CYP4X1: variants seen among roughly 807,000 people sequenced by gnomAD.
CYP4X1 encodes cytochrome P450 4X1.
A neutral mutation model predicts 57.9 loss-of-function variants in CYP4X1; 44 were observed. That is an observed-to-expected ratio of 0.76 (90% CI 0.60 to 0.98). The LOEUF (loss-of-function observed/expected upper bound fraction) is 0.98, where lower values mean the gene tolerates loss of function less well. Among genes scored for constraint, CYP4X1 ranks in the 50% least tolerant of loss-of-function variants. The pLI, the probability that CYP4X1 is intolerant of heterozygous loss-of-function variation, is 0.00. For synonymous variants in CYP4X1, 227 were observed against 228.6 expected, an observed-to-expected ratio of 0.99 and a Z score of 0.06; for missense variants, 532 against 623.9, an observed-to-expected ratio of 0.85 and a Z score of 1.57.
At position 47,030,140 on chromosome 1, in the gene CYP4X1, A is replaced by AG. The variant is rs1227652754; in HGVS notation, c.319+14dup. On this transcript the variant is annotated intron_variant, in intron 2 of 11. Coordinates refer to ENST00000371901, the MANE Select transcript of CYP4X1 (RefSeq NM_178033.2). ...ACTTCTGAGCAGAACAGGTAAGAAG[A>AG]GGGGGAAAGCTCTGGGACCTATTCC... 5 of 1,606,334 alleles carry AG rather than the reference A, an allele frequency of 3.1e-6. No individual in the cohort carries two copies. The African/African-American group carries it at 6.7e-5, about 22-fold the overall frequency.
At chr1:47,054,494 A>G (rs1329373131), downstream of CYP4X1, among the ~76,000 whole-genome samples, 16 of 151,876 alleles carry the variant, frequency 1.1e-4, no homozygotes, top group African/African-American at 3.9e-4. Flanking sequence ...CATTGAATCT[A>G]TAAATTACCT....
At chr1:47,054,516 G>A (rs1202059040), downstream of CYP4X1, among the ~76,000 whole-genome samples, 1 of 151,912 alleles carries the variant, frequency 6.6e-6, no homozygotes, top group Non-Finnish European at 1.5e-5. Context: ...GGGCAGTATG[G>A]CCATTTTCAT....
chr1:46,967,553 C>T, the CYP4X1 span: 1 of 237,588 alleles, frequency 4.2e-6, no homozygotes, highest in Non-Finnish European at 8.2e-6. Flanking sequence ...ACATGGAGTA[C>T]AGAAGGGAGG....
chr1:47,042,855 G>T (rs927817955), intron 8 of CYP4X1, among the ~76,000 whole-genome samples: 3 of 152,052 alleles, frequency 2.0e-5, no homozygotes, highest in African/African-American at 7.2e-5. Flanking sequence ...ATCCATTCTT[G>T]ATTGATGGGC....
At chr1:46,999,643 G>A in the CYP4X1 span, among the ~76,000 whole-genome samples, 11 of 152,076 alleles carry the variant, frequency 7.2e-5, no homozygotes. Flanking sequence ...AGTTCCTTAG[G>A]TGTGGCATTA....
In CYP4X1 at chr1:47,050,354, T is replaced by A; in HGVS notation, c.*180T>A. The A allele has an allele frequency of 1.6e-6, 1 of 609,316 alleles. No homozygotes were observed. Among genetic ancestry groups the A allele is most frequent in the Non-Finnish European group, 2.8e-6 (1 of 358,574 alleles). 37.7% of individuals were successfully genotyped at this position (609,316 alleles called of 1,614,324 possible). A position where few individuals can be genotyped will look rare whatever the true frequency, so the allele number is the denominator to read the frequency against. On this transcript the variant is annotated 3_prime_UTR_variant, in exon 12 of 12. Transcript: ENST00000371901. Reference sequence around the variant, plus strand: ...ACACAGTGTGTCAGCTAGATCTGTTTCTATATAACTTTGGGAGATTTTCAG... The same window carrying A: ...ACACAGTGTGTCAGCTAGATCTGTTACTATATAACTTTGGGAGATTTTCAG...
chr1:46,967,728 G>A, the CYP4X1 span: 3 of 1,139,750 alleles, frequency 2.6e-6, no homozygotes, highest in African/African-American at 1.7e-5. Context: ...GATGCAGGTG[G>A]ATTCCACTTT....
chr1:47,049,677 A>C (rs1377643399), intron 11 of CYP4X1, among the ~76,000 whole-genome samples, 173 bp downstream of exon 11: 1 of 152,172 alleles, frequency 6.6e-6, no homozygotes. Flanking sequence ...TCTCTGTCAC[A>C]TCCTTTTTGG....
the CYP4X1 span, among the ~76,000 whole-genome samples, chr1:46,993,796 ATTTG>A: frequency 6.6e-6 from 1 of 151,780 alleles, no homozygotes; most frequent in Non-Finnish European, 1.5e-5. Flanking sequence ...TTTCTTGTAA[ATTTG>A]TTTGAGTTCT....
chr1:47,008,913 T>A, the CYP4X1 span, among the ~76,000 whole-genome samples: 7 of 152,292 alleles, frequency 4.6e-5, no homozygotes, highest in African/African-American at 1.7e-4. Context: ...GCACCCAGAT[T>A]CATAAAGCAA....
chr1:46,999,087 T>C, the CYP4X1 span, among the ~76,000 whole-genome samples: 3 of 149,938 alleles, frequency 2.0e-5, no homozygotes, highest in Admixed American at 6.6e-5. Flanking sequence ...GAGAACACTT[T>C]AGCTATTTGG....
At chr1:46,966,927 T>C in the CYP4X1 span, among the ~76,000 whole-genome samples, 1 of 152,208 alleles carries the variant, frequency 6.6e-6, no homozygotes, top group Admixed American at 6.5e-5. Flanking sequence ...GACTTTGTCA[T>C]AGTTTTTACT....
At chr1:47,037,035 G>A (rs192161019) in intron 6 of CYP4X1, among the ~76,000 whole-genome samples, 11 of 152,162 alleles carry the variant, frequency 7.2e-5, no homozygotes, top group Admixed American at 3.9e-4. Context: ...GGCATAAATG[G>A]GCATTATAAA....
intron 8 of CYP4X1, among the ~76,000 whole-genome samples, chr1:47,042,790 G>T (rs989590740): frequency 1.3e-5 from 2 of 152,034 alleles, no homozygotes; most frequent in African/African-American, 4.8e-5. Flanking sequence ...CCTTTATTTT[G>T]TTCCTTTTCA....
At chr1:46,996,896 T>C in the CYP4X1 span, among the ~76,000 whole-genome samples, 1 of 152,220 alleles carries the variant, frequency 6.6e-6, no homozygotes, top group Non-Finnish European at 1.5e-5. Flanking sequence ...AGATCAGTTT[T>C]GGGTGCCACA....
At chr1:47,019,095 C>A (rs193027207), upstream of CYP4X1, among the ~76,000 whole-genome samples, 545 of 152,282 alleles carry the variant, frequency 3.6e-3, no homozygotes, top group African/African-American at 5.8e-3. Flanking sequence ...AGATTATATA[C>A]CTTCTAAGCT....
intron 10 of CYP4X1, among the ~76,000 whole-genome samples, chr1:47,049,045 C>G (rs1644333270): frequency 6.6e-6 from 1 of 152,196 alleles, no homozygotes; most frequent in Non-Finnish European, 1.5e-5. Flanking sequence ...GCAAGGTCTG[C>G]AGGTCTGAAG....
chr1:47,040,643 T>C (rs1446789378), intron 8 of CYP4X1, among the ~76,000 whole-genome samples: 1 of 152,152 alleles, frequency 6.6e-6, no homozygotes, highest in Non-Finnish European at 1.5e-5. Flanking sequence ...ATTTATTTTT[T>C]AACTGACAAA....
At chr1:47,042,724 C>G (rs1386420864) in intron 8 of CYP4X1, among the ~76,000 whole-genome samples, 1 of 152,152 alleles carries the variant, frequency 6.6e-6, no homozygotes, top group Non-Finnish European at 1.5e-5. Flanking sequence ...TTCTCCATTT[C>G]TGAGTTACTT....
Sources: allele counts gnomAD v4.1 joint callset (sites outside exome capture counted in the v4.1 genomes callset), GRCh38; gene constraint gnomAD v4.1.1; transcripts MANE v1.5; gene names NCBI Gene and HGNC (gene_info 2026-07-23, HGNC 2026-07-21).